The following MYRIP variants were observed in gnomAD, a reference collection of about 807,000 sequenced individuals.
The protein encoded by MYRIP is myosin VIIA and Rab interacting protein.
MYRIP carries 49 observed loss-of-function variants against 98.0 expected under a neutral mutation model. The ratio of observed to expected loss-of-function variants is 0.50; its 90% CI spans 0.40 to 0.63. The LOEUF (loss-of-function observed/expected upper bound fraction) is 0.63. Ranked by LOEUF, MYRIP falls within the 30% of genes least tolerant of loss-of-function variation. MYRIP has a pLI of 0.00. For synonymous variants in MYRIP, 404 were observed against 409.5 expected (o/e 0.99, Z 0.16); for missense variants, 1,004 against 1,058.2 (o/e 0.95, Z 0.71).
intron 4 of MYRIP, among the ~76,000 whole-genome samples, chr3:40,160,575 G>C (rs534829240): frequency 6.6e-6 from 1 of 152,174 alleles, no homozygotes; most frequent in South Asian, 2.1e-4. Context: ...GGGCAATGGC[G>C]GGCGCCCCTC....
Position 40,038,822 on chromosome 3 carries a change from C to T in MYRIP, c.111-5228C>T, listed in dbSNP as rs571378062. Among the ~76,000 whole-genome samples, 5 of 152,242 alleles carry T rather than the reference C, an allele frequency of 3.3e-5. No individual in the cohort carries two copies. In the East Asian group the frequency reaches 9.7e-4, roughly 29 times the overall value. ...GTGTCCTGATTCATTTACTCCCATG[C>T]CTTGTGATTCAGACAAGGTGACTCC... On this transcript the variant is annotated intron_variant, in intron 2 of 16. Transcript: ENST00000302541.
chr3:40,109,109 C>T (rs1949109126), intron 3 of MYRIP, among the ~76,000 whole-genome samples: 1 of 152,176 alleles, frequency 6.6e-6, no homozygotes, highest in Admixed American at 6.5e-5. Context: ...CACTTTTACT[C>T]CTCACTCTGC....
chr3:39,842,078 C>T (rs923198769), intron 1 of MYRIP, among the ~76,000 whole-genome samples: 10 of 152,202 alleles, frequency 6.6e-5, no homozygotes, highest in Non-Finnish European at 2.9e-5. Context: ...CCCCCAGGTG[C>T]TCTGTCCCAG....
intron 2 of MYRIP, among the ~76,000 whole-genome samples, chr3:39,976,661 A>G (rs1945759979): frequency 6.6e-6 from 1 of 152,192 alleles, no homozygotes; most frequent in African/African-American, 2.4e-5. Flanking sequence ...TCCAACAATG[A>G]TAGAGTGGAT....
chr3:39,837,496 T>C lies in MYRIP; in HGVS notation c.-31+27580T>C, dbSNP rs1044329466. Among the ~76,000 whole-genome samples the C allele has an allele frequency of 1.8e-4, 28 of 152,350 alleles. 1 individual carries two copies. The highest frequency in any genetic ancestry group is 6.5e-4 in the Admixed American group (10 of 15,306). On this transcript the variant is annotated intron_variant, in intron 1 of 16. Transcript: ENST00000302541. ...GAATCCTTTCCCCATTGCTTGTTTT[T>C]ATCAGGTTTGTCACAGATCAGATGG...
chr3:40,100,774 T>A (rs1028562013), intron 3 of MYRIP, among the ~76,000 whole-genome samples: 3 of 152,194 alleles, frequency 2.0e-5, no homozygotes, highest in Non-Finnish European at 4.4e-5. Flanking sequence ...CTGAATGTTC[T>A]AGGAAATTTC....
intron 12 of MYRIP, among the ~76,000 whole-genome samples, chr3:40,239,404 A>G (rs1452755746): frequency 6.7e-6 from 1 of 149,464 alleles, no homozygotes; most frequent in Non-Finnish European, 1.5e-5. Context: ...ATGATTCATA[A>G]TCCTTTGGGT....
intron 2 of MYRIP, among the ~76,000 whole-genome samples, chr3:39,939,936 T>TATGC (rs1351216414): frequency 6.6e-6 from 1 of 152,022 alleles, no homozygotes; most frequent in East Asian, 1.9e-4. Flanking sequence ...AGTATGTATG[T>TATGC]ATGCATGCAT....
chr3:39,964,317 A>G (rs1442800216), intron 2 of MYRIP, among the ~76,000 whole-genome samples: 1 of 152,154 alleles, frequency 6.6e-6, no homozygotes, highest in Non-Finnish European at 1.5e-5. Context: ...ATAGCAGGTA[A>G]GAAGTTGCTG....
chr3:39,934,358 A>C (rs1000107369), intron 2 of MYRIP, among the ~76,000 whole-genome samples: 2 of 152,060 alleles, frequency 1.3e-5, no homozygotes, highest in Admixed American at 1.3e-4. Flanking sequence ...CTTTTTCTTT[A>C]GTGAGGACCC....
At chr3:40,142,134 C>A (rs1476587244) in intron 3 of MYRIP, among the ~76,000 whole-genome samples, 3 of 145,200 alleles carry the variant, frequency 2.1e-5, no homozygotes, top group African/African-American at 7.7e-5. Flanking sequence ...CTCATTGCAA[C>A]CTCTGCCTCC....
chr3:40,181,803 T>C (rs1465478141), intron 8 of MYRIP, among the ~76,000 whole-genome samples: 1 of 152,210 alleles, frequency 6.6e-6, no homozygotes, highest in Non-Finnish European at 1.5e-5. Flanking sequence ...GAATATGTTG[T>C]AATAGTCCTG....
chr3:40,085,537 G>T lies in MYRIP; in HGVS notation c.332+41266G>T, dbSNP rs950485654. Among the ~76,000 whole-genome samples the T allele has an allele frequency of 5.9e-5, 9 of 152,282 alleles. 1 individual carries two copies. Among genetic ancestry groups the T allele is most frequent in the Admixed American group, 1.3e-4 (2 of 15,296 alleles). On this transcript the variant is annotated intron_variant, in intron 3 of 16. Coordinates refer to ENST00000302541, the MANE Select transcript of MYRIP (RefSeq NM_015460.4). ...TGACTCAGGTGATCTGCCTGCCTCA[G>T]CCTCCCAAAGTGCTGGGATTACAGG... is the stretch of plus-strand genomic sequence containing the variant.
intron 10 of MYRIP, among the ~76,000 whole-genome samples, chr3:40,197,953 T>C (rs1278229437): frequency 6.6e-6 from 1 of 152,216 alleles, no homozygotes; most frequent in Non-Finnish European, 1.5e-5. Context: ...GTTATATACT[T>C]ACTGCCTCGC....
chr3:39,893,653 G>C (rs1445905032), intron 1 of MYRIP, among the ~76,000 whole-genome samples: 1 of 149,040 alleles, frequency 6.7e-6, no homozygotes, highest in Non-Finnish European at 1.5e-5. Context: ...GGCATGATTA[G>C]TTAATTATTT....
chr3:39,882,887 A>C (rs1943189783), intron 1 of MYRIP, among the ~76,000 whole-genome samples: 1 of 152,128 alleles, frequency 6.6e-6, no homozygotes, highest in Admixed American at 6.6e-5. Context: ...ATAGCAGAAG[A>C]GTATATCTGT....
chr3:40,005,579 C>A (rs1049695168), intron 2 of MYRIP, among the ~76,000 whole-genome samples: 6 of 152,072 alleles, frequency 3.9e-5, no homozygotes, highest in Admixed American at 3.3e-4. Flanking sequence ...ATTTCATAGG[C>A]AGATGATTTG....
intron 3 of MYRIP, 77 bp downstream of exon 3, chr3:40,044,348 G>A (rs1947622237): frequency 7.1e-7 from 1 of 1,400,454 alleles, no homozygotes; most frequent in African/African-American, 1.4e-5. Flanking sequence ...CAGTCAGGTA[G>A]AACCAGCTAT....
intron 8 of MYRIP, among the ~76,000 whole-genome samples, chr3:40,170,296 A>G (rs954588124): frequency 2.0e-5 from 3 of 152,230 alleles, no homozygotes; most frequent in African/African-American, 7.2e-5. Context: ...GTCTATTGAT[A>G]ATTATAGAGA....
Sources: gnomAD v4.1 joint callset for allele counts (sites outside exome capture counted in the v4.1 genomes callset) on GRCh38, gnomAD v4.1.1 for gene constraint, MANE v1.5 for transcripts, NCBI Gene and HGNC (gene_info 2026-07-23, HGNC 2026-07-21) for gene names.